The following C5orf34 variants were observed in gnomAD, a reference collection of about 807,000 sequenced individuals.
C5orf34 encodes the protein chromosome 5 open reading frame 34.
A neutral mutation model predicts 78.4 loss-of-function variants in C5orf34; 73 were observed. That is an observed-to-expected ratio of 0.93 (90% CI 0.77 to 1.13). C5orf34 has a LOEUF of 1.13. C5orf34 is among the 50% of genes most tolerant of loss of function. C5orf34 has a pLI of 0.00. For synonymous variants in C5orf34, 251 were observed against 246.6 expected (o/e 1.02, Z -0.17); for missense variants, 730 against 732.7 (o/e 1.00, Z 0.04).
rs763979938 is a variant in C5orf34, at chr5:43,492,932, T to C, written c.1315-42A>G. On this transcript the variant is annotated intron_variant, in intron 8 of 12. Coordinates refer to ENST00000306862, the MANE Select transcript of C5orf34 (RefSeq NM_198566.4). ...AAAAATAGCAGGAAATAGAGTTATCTAAGAACAAGATTTAAATGAATATTA... is the reference window on the plus strand; with the variant it reads ...AAAAATAGCAGGAAATAGAGTTATCCAAGAACAAGATTTAAATGAATATTA... 32 of 1,389,352 alleles carry C rather than the reference T, an allele frequency of 2.3e-5. No individual in the cohort carries two copies. The African/African-American group carries it at 4.1e-4, about 18-fold the overall frequency. 86.1% of individuals were successfully genotyped at this position (1,389,352 alleles called of 1,614,324 possible).
At chr5:43,501,602 T>C (rs909504643) in intron 6 of C5orf34, among the ~76,000 whole-genome samples, 1 of 152,136 alleles carries the variant, frequency 6.6e-6, no homozygotes, top group African/African-American at 2.4e-5. Flanking sequence ...ATGAACAAGA[T>C]GGGTGATGGG....
chr5:43,503,553 C>T, intron 5 of C5orf34, 112 bp downstream of exon 5: 1 of 789,432 alleles, frequency 1.3e-6, no homozygotes, highest in South Asian at 1.4e-5. Flanking sequence ...ACAGTTGGCC[C>T]AACAGAACTG....
At chr5:43,512,574 C>G (rs1339220647) in intron 1 of C5orf34, among the ~76,000 whole-genome samples, 3 of 152,150 alleles carry the variant, frequency 2.0e-5, no homozygotes, top group African/African-American at 7.2e-5. Context: ...ACCAAACTCT[C>G]TTTTCCCCTA....
chr5:43,504,400 C>G (rs1468507283), intron 4 of C5orf34, among the ~76,000 whole-genome samples: 1 of 152,114 alleles, frequency 6.6e-6, no homozygotes, highest in East Asian at 1.9e-4. Flanking sequence ...GGTCTCTGCC[C>G]TCAGCAGGGA....
intron 1 of C5orf34, among the ~76,000 whole-genome samples, chr5:43,514,468 C>T (rs1316271313): frequency 2.6e-5 from 4 of 152,072 alleles, no homozygotes; most frequent in African/African-American, 9.7e-5. Context: ...GAAAAATAGT[C>T]TATCTTTGGT....
rs1268699942 is a variant in C5orf34 at position 43,495,070 on chromosome 5, T to TA, written c.1153-470dup. 2.0e-6 allele frequency: 3 copies of TA among 1,480,824 alleles called. No homozygotes were observed. The African/African-American group carries it at 4.2e-5, about 21-fold the overall frequency. The allele number at this position is 1,480,824 out of a possible 1,614,324, so 91.7% of individuals were successfully genotyped here. ...GTTGGGTGGCAGGTATTAGGGATAA[T>TA]ATTCATTTAGCCTTCTGAGCTGTCT... On this transcript the variant is annotated intron_variant, in intron 6 of 12. Transcript: ENST00000306862.
rs1468992825 is a variant in C5orf34 at position 43,486,841 on chromosome 5, T to A, written c.*74A>T. The A allele has an allele frequency of 3.7e-6, 3 of 821,350 alleles. No individual in the cohort carries two copies. In the African/African-American group the frequency reaches 5.3e-5, roughly 15 times the overall value. 50.9% of individuals were successfully genotyped at this position (821,350 alleles called of 1,614,324 possible). A position where few individuals can be genotyped will look rare whatever the true frequency, so the allele number is the denominator to read the frequency against. ...GGGTAATACGTACAATATCTTGGCT[T>A]ACTAGTAATTTTATACCAGTCACTT... is the stretch of plus-strand genomic sequence containing the variant. On this transcript the variant is annotated 3_prime_UTR_variant, in exon 13 of 13. Coordinates refer to ENST00000306862, the MANE Select transcript of C5orf34 (RefSeq NM_198566.4).
At chr5:43,494,384 A>G (rs569558753) in intron 7 of C5orf34, 126 bp downstream of exon 7, 15 of 510,802 alleles carry the variant, frequency 2.9e-5, no homozygotes, top group South Asian at 2.2e-4. Context: ...AAAAGTTGAC[A>G]AATTTTACCG....
chr5:43,508,759 C>A, intron 2 of C5orf34, 93 bp from the exon 3 acceptor site: 1 of 822,886 alleles, frequency 1.2e-6, no homozygotes. Flanking sequence ...ATACTAATTA[C>A]TTTTCATATT....
rs142343592 is a variant in C5orf34 at position 43,507,125 on chromosome 5, G to C, written c.286-731C>G. 4.7e-3 allele frequency among the ~76,000 whole-genome samples: 716 copies of C among 152,278 alleles called. 5 individuals are homozygous for C. Among genetic ancestry groups the C allele is most frequent in the African/African-American group, 0.016 (644 of 41,546 alleles). On this transcript the variant is annotated intron_variant, in intron 3 of 12. Transcript: ENST00000306862. ...ACTAAAATAAATTTCAGGAGGCTTA[G>C]AGGAAACTTTAAAAAAGTTTAATTA...
chr5:43,494,838 T>G (rs1745431987), intron 6 of C5orf34, among the ~76,000 whole-genome samples: 1 of 152,196 alleles, frequency 6.6e-6, no homozygotes. Flanking sequence ...GGTCAAGTTG[T>G]TTCCATTAAA....
rs190951332 is a variant in C5orf34, at chr5:43,496,045, A to G, written c.1153-1444T>C. 3.1e-4 allele frequency: 493 copies of G among 1,588,854 alleles called. 2 individuals are homozygous for G. The African/African-American group carries it at 6.1e-3, about 20-fold the overall frequency. On this transcript the variant is annotated intron_variant, in intron 6 of 12. Coordinates refer to ENST00000306862, the MANE Select transcript of C5orf34 (RefSeq NM_198566.4). ...GTTTCACACCCAGTGTGTAAGCCAGAAGGGCATGCTCTCAGGTCTGCCCAT... is the reference window on the plus strand; with the variant it reads ...GTTTCACACCCAGTGTGTAAGCCAGGAGGGCATGCTCTCAGGTCTGCCCAT...
chr5:43,496,253 C>T (rs1745513891), intron 6 of C5orf34: 6 of 1,581,884 alleles, frequency 3.8e-6, no homozygotes, highest in African/African-American at 1.3e-5. Flanking sequence ...ATACCACGTT[C>T]ACGCTCAGCT....
At chr5:43,496,143 T>C in intron 6 of C5orf34, 3 of 1,405,570 alleles carry the variant, frequency 2.1e-6, no homozygotes, top group East Asian at 4.6e-5. Flanking sequence ...GAGATGTCCC[T>C]GTAATCATGT....
chr5:43,497,118 G>A (rs553883262), intron 6 of C5orf34, among the ~76,000 whole-genome samples: 4 of 151,858 alleles, frequency 2.6e-5, no homozygotes, highest in South Asian at 2.1e-4. Context: ...ATTTACAGGC[G>A]GAGGTTACTG....
At position 43,506,037 on chromosome 5, in the gene C5orf34, C is replaced by T; in HGVS notation, c.643G>A (p.Val215Ile). The change falls in exon 4 of 13, where the codon GTA becomes ATA. Residue 215 changes from valine to isoleucine, a missense_variant. Val to Ile is a conservative substitution (Grantham distance 29). Transcript: ENST00000306862. ...TCTTCCCTCCCTTCAGTTCCATTTA[C>T]ACAACTCATCTTCTTTAAAGTTTCT... is the stretch of plus-strand genomic sequence containing the variant. ...SKETLKKMSC[V>I]NGTEGREELP... The T allele has an allele frequency of 1.2e-6, 2 of 1,614,202 alleles. No homozygotes were observed. The highest frequency in any genetic ancestry group is 1.1e-5 in the South Asian group (1 of 91,090).
chr5:43,506,795 C>G (rs137908716), intron 3 of C5orf34, among the ~76,000 whole-genome samples: 24 of 151,358 alleles, frequency 1.6e-4, no homozygotes, highest in Non-Finnish European at 2.9e-4. Flanking sequence ...GCAATCATAG[C>G]TAAAAATTTT....
chr5:43,489,081 G>T (rs1443330541), intron 11 of C5orf34, among the ~76,000 whole-genome samples: 1 of 151,690 alleles, frequency 6.6e-6, no homozygotes, highest in Non-Finnish European at 1.5e-5. Context: ...CCAGCTGATT[G>T]TTCATTATTG....
rs755422400 is a variant in C5orf34 at position 43,506,021 on chromosome 5, C to T, written c.659G>A (p.Gly220Glu). 8 of 1,614,068 alleles carry T rather than the reference C, an allele frequency of 5.0e-6. No homozygotes were observed. The Admixed American group carries it at 1.0e-4, about 20-fold the overall frequency. Residue 220 changes from glycine (G) to glutamate (E), a missense_variant, in exon 4 of 13, where the codon GGG becomes GAG. Transcript: ENST00000306862. ...ACCAGGCGAAGGCAGCTCTTCCCTCCCTTCAGTTCCATTTACACAACTCAT... is the reference window on the plus strand; with the variant it reads ...ACCAGGCGAAGGCAGCTCTTCCCTCTCTTCAGTTCCATTTACACAACTCAT... ...KKMSCVNGTE[G>E]REELPSPGTK...
Sources: gnomAD v4.1 joint callset for allele counts (sites outside exome capture counted in the v4.1 genomes callset) on GRCh38, gnomAD v4.1.1 for gene constraint, MANE v1.5 for transcripts, NCBI Gene and HGNC (gene_info 2026-07-23, HGNC 2026-07-21) for gene names.